The following TAOK1 variants were observed in gnomAD, a reference collection of about 807,000 sequenced individuals.
TAOK1 encodes the protein serine/threonine-protein kinase TAO1.
In TAOK1, 21 loss-of-function variants were observed where a neutral mutation model predicts 138.3. The ratio of observed to expected loss-of-function variants is 0.15; its 90% confidence interval spans 0.11 to 0.22. The LOEUF (loss-of-function observed/expected upper bound fraction) is 0.22, where lower values mean the gene tolerates loss of function less well. TAOK1 is among the 10% of genes least tolerant of loss of function. The pLI is 1.00. For synonymous variants in TAOK1, 361 were observed against 398.4 expected, an observed-to-expected ratio of 0.91 and a Z score of 1.12; for missense variants, 651 against 1,227.7, an observed-to-expected ratio of 0.53 and a Z score of 7.02.
chr17:29,521,865 A>G (rs1043759211), intron 16 of TAOK1, among the ~76,000 whole-genome samples: 10 of 152,224 alleles, frequency 6.6e-5, no homozygotes, highest in Non-Finnish European at 1.5e-4. Context: ...TACAGGCATG[A>G]GCCACCGCGC....
At position 29,479,221 on chromosome 17, in the gene TAOK1, G is replaced by A. The variant is rs2153026717; in HGVS notation, c.449+874G>A. Reference sequence around the variant, plus strand: ...GTGGTCCTTGATAATCCTTGATAATGGATAGTAACTTTGAAGTTAAAACAT... The same window carrying A: ...GTGGTCCTTGATAATCCTTGATAATAGATAGTAACTTTGAAGTTAAAACAT... On this transcript the variant is annotated intron_variant, in intron 6 of 19. Transcript: ENST00000261716. Among the ~76,000 whole-genome samples, 2 of 151,838 alleles carry A rather than the reference G, an allele frequency of 1.3e-5. 1 individual carries two copies. The highest frequency in any genetic ancestry group is 7.0e-3 in the Middle Eastern group (2 of 286).
intron 16 of TAOK1, among the ~76,000 whole-genome samples, chr17:29,521,865 A>C (rs1043759211): frequency 2.6e-5 from 4 of 152,224 alleles, no homozygotes; most frequent in African/African-American, 9.6e-5. Context: ...TACAGGCATG[A>C]GCCACCGCGC....
At chr17:29,488,480 G>GAGAATCGGGAGGCTGAGACAGGAC (rs2031222382) in intron 8 of TAOK1, among the ~76,000 whole-genome samples, 1 of 152,046 alleles carries the variant, frequency 6.6e-6, no homozygotes, top group Non-Finnish European at 1.5e-5. Context: ...TGAGACAGGA[G>GAGAATCGGGAGGCTGAGACAGGAC]AGAATCGCTT....
chr17:29,494,987 A>G (rs536633602), intron 10 of TAOK1, among the ~76,000 whole-genome samples: 60 of 152,334 alleles, frequency 3.9e-4, no homozygotes, highest in African/African-American at 1.4e-3. Flanking sequence ...TGTGATCATC[A>G]TAATGGTGGA....
chr17:29,483,305 T>A (rs954840950), intron 8 of TAOK1, among the ~76,000 whole-genome samples: 4 of 152,126 alleles, frequency 2.6e-5, no homozygotes, highest in Non-Finnish European at 5.9e-5. Context: ...CTTGAACTCC[T>A]GGGCTCAAGC....
At chr17:29,410,285 T>C (rs888122371) in intron 1 of TAOK1, among the ~76,000 whole-genome samples, 10 of 152,204 alleles carry the variant, frequency 6.6e-5, no homozygotes, top group African/African-American at 1.7e-4. Flanking sequence ...AGTTTCGCTC[T>C]TGTTGCCTAA....
At chr17:29,427,510 C>A (rs1412738084) in intron 1 of TAOK1, among the ~76,000 whole-genome samples, 3 of 141,052 alleles carry the variant, frequency 2.1e-5, no homozygotes, top group African/African-American at 8.0e-5. Context: ...ACAGGGGGAT[C>A]GCTTTGAACT....
In TAOK1 at chr17:29,502,650, C is replaced by T; in HGVS notation, c.1265C>T (p.Pro422Leu). ...ACAAGAGCATCAGATCCACAATCTC[C>T]ACCCCAAGTATCTCGTCACAAATCA... ...PRTRASDPQS[P>L]PQVSRHKSHY... The change falls in exon 13 of 20, where the codon CCA becomes CTA. Residue 422 changes from proline to leucine, a missense_variant. Physicochemically the swap from Pro to Leu is moderately conservative, Grantham distance 98. Transcript: ENST00000261716. 6.2e-7 allele frequency: 1 copy of T among 1,613,834 alleles called. No individual in the cohort carries two copies. The highest frequency in any genetic ancestry group is 1.3e-5 in the African/African-American group (1 of 74,936).
chr17:29,527,128 GAA>G (rs1222770525), intron 17 of TAOK1, among the ~76,000 whole-genome samples: 1 of 149,618 alleles, frequency 6.7e-6, no homozygotes, highest in Non-Finnish European at 1.5e-5. Flanking sequence ...CTTTCTCAGG[GAA>G]AAAAAAAGAG....
At chr17:29,479,790 A>T (rs1040706872) in intron 6 of TAOK1, among the ~76,000 whole-genome samples, 1 of 152,114 alleles carries the variant, frequency 6.6e-6, no homozygotes, top group Non-Finnish European at 1.5e-5. Context: ...TTATATAGAC[A>T]GTATGTTTGC....
At chr17:29,467,102 C>A in intron 2 of TAOK1, 43 bp from the exon 3 acceptor site, 1 of 1,444,800 alleles carries the variant, frequency 6.9e-7, no homozygotes, top group Non-Finnish European at 9.5e-7. Context: ...CTAGATTTCA[C>A]CTGTTAATTT....
intron 2 of TAOK1, among the ~76,000 whole-genome samples, chr17:29,459,976 G>T (rs2030494215): frequency 6.6e-6 from 1 of 152,058 alleles, no homozygotes; most frequent in African/African-American, 2.4e-5. Flanking sequence ...TGGAGCAGTG[G>T]GTCTTTCATT....
chr17:29,474,852 T>TAAA (rs146185988), intron 3 of TAOK1, among the ~76,000 whole-genome samples: 4 of 150,054 alleles, frequency 2.7e-5, no homozygotes, highest in African/African-American at 7.4e-5. Context: ...TCAATTTGTT[T>TAAA]TAAAAAAAAA....
intron 1 of TAOK1, among the ~76,000 whole-genome samples, chr17:29,422,489 A>T (rs964069959): frequency 6.6e-6 from 1 of 152,082 alleles, no homozygotes; most frequent in Non-Finnish European, 1.5e-5. Context: ...AAGTGCTGGC[A>T]TTACAGGCGT....
At chr17:29,438,343 T>G (rs935617872) in intron 1 of TAOK1, among the ~76,000 whole-genome samples, 43 of 152,226 alleles carry the variant, frequency 2.8e-4, no homozygotes, top group African/African-American at 9.9e-4. Flanking sequence ...TCAAAACAAA[T>G]TTAAGTTTCC....
intron 1 of TAOK1, among the ~76,000 whole-genome samples, chr17:29,398,000 T>C (rs979925821): frequency 2.6e-5 from 4 of 151,998 alleles, no homozygotes; most frequent in African/African-American, 9.7e-5. Context: ...CGTGAGTAGC[T>C]GAGACTGCAG....
intron 19 of TAOK1, among the ~76,000 whole-genome samples, chr17:29,536,382 G>A (rs962641197): frequency 6.6e-6 from 1 of 151,924 alleles, no homozygotes; most frequent in African/African-American, 2.4e-5. Flanking sequence ...CGGATCACGA[G>A]GTCAGGGGAG....
At chr17:29,449,861 C>T (rs938032064) in intron 1 of TAOK1, among the ~76,000 whole-genome samples, 1 of 151,910 alleles carries the variant, frequency 6.6e-6, no homozygotes, top group Non-Finnish European at 1.5e-5. Context: ...AAAATAAAGC[C>T]TGATGAAATC....
At chr17:29,410,678 G>A (rs1170120237) in intron 1 of TAOK1, among the ~76,000 whole-genome samples, 3 of 148,332 alleles carry the variant, frequency 2.0e-5, no homozygotes, top group Non-Finnish European at 3.0e-5. Flanking sequence ...TGTCGCCCAG[G>A]CTGGAGTGCA....
Sources: gnomAD v4.1 joint callset for allele counts (sites outside exome capture counted in the v4.1 genomes callset) on GRCh38, gnomAD v4.1.1 for gene constraint, MANE v1.5 for transcripts, NCBI Gene and HGNC (gene_info 2026-07-23, HGNC 2026-07-21) for gene names.